The following ADGRL2 variants were observed in gnomAD, a reference collection of about 807,000 sequenced individuals.
ADGRL2 encodes the protein calcium-independent alpha-latrotoxin receptor 2.
ADGRL2 carries 44 observed loss-of-function variants against 157.4 expected under a neutral mutation model. That is an observed-to-expected ratio of 0.28 (90% CI 0.22 to 0.36). The LOEUF is 0.36. Ranked by LOEUF, ADGRL2 falls within the 10% of genes least tolerant of loss-of-function variation. The pLI, the probability that ADGRL2 is intolerant of heterozygous loss-of-function variation, is 1.00. For missense variants in ADGRL2, 1,510 were observed against 1,768.9 expected (o/e 0.85, Z 2.63); for synonymous variants, 585 against 624.7 (o/e 0.94, Z 0.95).
intron 3 of ADGRL2, among the ~76,000 whole-genome samples, chr1:81,625,188 G>C (rs2081885193): frequency 1.3e-5 from 2 of 152,098 alleles, no homozygotes; most frequent in South Asian, 2.1e-4. Flanking sequence ...GAGACAGAAT[G>C]CTTATCAGGA....
At chr1:81,658,058 G>A (rs1570755097) in intron 3 of ADGRL2, among the ~76,000 whole-genome samples, 1 of 152,230 alleles carries the variant, frequency 6.6e-6, no homozygotes, top group East Asian at 1.9e-4. Context: ...TCCATTCATT[G>A]GTATCTAGTC....
intron 6 of ADGRL2, among the ~76,000 whole-genome samples, chr1:81,948,467 G>A (rs1185207559): frequency 3.3e-5 from 5 of 152,110 alleles, no homozygotes; most frequent in Non-Finnish European, 7.4e-5. Context: ...GGATATATCA[G>A]GTAGTGTAGC....
intron 3 of ADGRL2, among the ~76,000 whole-genome samples, chr1:81,615,072 A>G (rs1557507721): frequency 1.3e-5 from 2 of 152,182 alleles, no homozygotes; most frequent in African/African-American, 4.8e-5. Context: ...AAAGCAGTGA[A>G]TATAAACAAA....
intron 2 of ADGRL2, among the ~76,000 whole-genome samples, chr1:81,538,574 A>C (rs886920505): frequency 6.6e-6 from 1 of 152,226 alleles, no homozygotes; most frequent in African/African-American, 2.4e-5. Flanking sequence ...AGATTCTTGC[A>C]TCTATACATG....
rs190599842 is a variant in ADGRL2, at chr1:81,362,608, T to C, written c.-302+56099T>C. On this transcript the variant is annotated intron_variant, in intron 1 of 24. Coordinates refer to the ADGRL2 transcript ENST00000370721. ...TTTTTTTCACTTTCTGCAGGAAATA[T>C]AGCAGTGATCAATGAGGACTAAAAA... Among the ~76,000 whole-genome samples, 6 of 152,100 alleles carry C rather than the reference T, an allele frequency of 3.9e-5. No individual in the cohort carries two copies. The East Asian group carries it at 9.6e-4, about 24-fold the overall frequency.
chr1:81,542,045 T>C (rs1352605131), intron 2 of ADGRL2, among the ~76,000 whole-genome samples: 1 of 152,214 alleles, frequency 6.6e-6, no homozygotes, highest in African/African-American at 2.4e-5. Context: ...AGGTCCTCGA[T>C]GAAAAGGGCT....
intron 1 of ADGRL2, among the ~76,000 whole-genome samples, chr1:81,347,388 G>C (rs1662558322): frequency 6.6e-6 from 1 of 151,712 alleles, no homozygotes; most frequent in African/African-American, 2.4e-5. Flanking sequence ...ATGACAGAGA[G>C]AGACTGTTTC....
rs568192030 is a variant in ADGRL2 at position 81,472,839 on chromosome 1, A to G, written c.-248+27750A>G. Among the ~76,000 whole-genome samples, 66 of 152,282 alleles carry G rather than the reference A, an allele frequency of 4.3e-4. No homozygotes were observed. The Middle Eastern group carries it at 0.014, about 31-fold the overall frequency. ...TCTTTTTCTCTTTGCTTGCCTTTCC[A>G]CATACATACTGCAAGTTGGTAACAT... On this transcript the variant is annotated intron_variant, in intron 2 of 24. Transcript: ENST00000370721.
chr1:81,632,169 G>T (rs12060639), intron 3 of ADGRL2, among the ~76,000 whole-genome samples: 1 of 152,136 alleles, frequency 6.6e-6, no homozygotes, highest in African/African-American at 2.4e-5. Flanking sequence ...AAAGCCCCTA[G>T]CCTATTGATA....
intron 2 of ADGRL2, chr1:81,501,821 C>T: frequency 1.3e-6 from 2 of 1,597,718 alleles, no homozygotes; most frequent in Non-Finnish European, 1.7e-6. Context: ...ACAGCAGCAG[C>T]AACAGAAGCA....
At chr1:81,890,942 C>A (rs1047150152) in intron 2 of ADGRL2, among the ~76,000 whole-genome samples, 1 of 152,100 alleles carries the variant, frequency 6.6e-6, no homozygotes, top group Non-Finnish European at 1.5e-5. Context: ...CTCACCTTAA[C>A]CCAAGTCCCG....
intron 1 of ADGRL2, among the ~76,000 whole-genome samples, chr1:81,402,191 CT>C: frequency 6.6e-6 from 1 of 152,272 alleles, no homozygotes; most frequent in South Asian, 2.1e-4. Context: ...CTGTGGGGTC[CT>C]GATAGGATCC....
chr1:81,521,067 G>T (rs181866416), intron 2 of ADGRL2, among the ~76,000 whole-genome samples: 1 of 152,300 alleles, frequency 6.6e-6, no homozygotes, highest in East Asian at 1.9e-4. Context: ...ACTGCTAGCT[G>T]CAGGAAAAGC....
At chr1:81,533,969 G>A (rs76838978) in intron 2 of ADGRL2, among the ~76,000 whole-genome samples, 2,485 of 152,036 alleles carry the variant, frequency 0.016, 68 homozygotes, top group African/African-American at 0.057. Context: ...TAGATCATGG[G>A]GTCTCCAGAC....
chr1:81,902,161 T>C (rs2151647975), intron 2 of ADGRL2, among the ~76,000 whole-genome samples: 1 of 152,294 alleles, frequency 6.6e-6, no homozygotes, highest in Admixed American at 6.5e-5. Context: ...GGTTTGTCTA[T>C]TAATAAAGAC....
At chr1:81,392,373 A>C (rs1260460501) in intron 1 of ADGRL2, among the ~76,000 whole-genome samples, 1 of 152,122 alleles carries the variant, frequency 6.6e-6, no homozygotes, top group Non-Finnish European at 1.5e-5. Flanking sequence ...TTCCGGTGTA[A>C]CTTTGCCGCC....
chr1:81,386,943 C>A (rs999650351), intron 1 of ADGRL2, among the ~76,000 whole-genome samples: 7 of 152,114 alleles, frequency 4.6e-5, no homozygotes, highest in Non-Finnish European at 8.8e-5. Flanking sequence ...TATCAGTATC[C>A]ACTTTACATT....
chr1:81,523,696 T>C (rs1267562553), intron 2 of ADGRL2, among the ~76,000 whole-genome samples: 1 of 152,230 alleles, frequency 6.6e-6, no homozygotes, highest in Non-Finnish European at 1.5e-5. Context: ...CCTATGTTGG[T>C]GAAGGTTTGG....
chr1:81,347,395 T>A (rs1662558890), intron 1 of ADGRL2, among the ~76,000 whole-genome samples: 1 of 151,604 alleles, frequency 6.6e-6, no homozygotes, highest in Non-Finnish European at 1.5e-5. Flanking sequence ...AGAGAGACTG[T>A]TTCAAAAAAA....
Sources: gnomAD v4.1 joint callset for allele counts (sites outside exome capture counted in the v4.1 genomes callset) on GRCh38, gnomAD v4.1.1 for gene constraint, MANE v1.5 for transcripts, NCBI Gene and HGNC (gene_info 2026-07-23, HGNC 2026-07-21) for gene names.